The following FTO variants were observed in gnomAD, a reference collection of about 807,000 sequenced individuals.
The protein encoded by FTO is alpha-ketoglutarate-dependent dioxygenase FTO.
Under a neutral mutation model 63.9 loss-of-function variants are expected in FTO, and 47 were observed. That is an observed-to-expected ratio of 0.74 (90% CI 0.58 to 0.94). FTO has a LOEUF of 0.94. FTO is among the 40% of genes least tolerant of loss of function. FTO has a pLI of 0.00. For missense variants in FTO, 562 were observed against 618.1 expected (o/e 0.91, Z 0.96); for synonymous variants, 207 against 224.4 (o/e 0.92, Z 0.69).
intron 1 of FTO, among the ~76,000 whole-genome samples, chr16:53,792,955 AC>A (rs2077965647): frequency 6.6e-6 from 1 of 152,226 alleles, no homozygotes; most frequent in Non-Finnish European, 1.5e-5. Flanking sequence ...CTATTCACTT[AC>A]AAAATTATGG....
intron 8 of FTO, among the ~76,000 whole-genome samples, chr16:53,960,126 T>C (rs962362224): frequency 2.0e-4 from 30 of 152,262 alleles, no homozygotes; most frequent in Middle Eastern, 3.4e-3. Context: ...ATGACAGTCA[T>C]ACTTTGTTAA....
At chr16:53,759,086 G>A (rs9932576) in intron 1 of FTO, among the ~76,000 whole-genome samples, 2,503 of 152,164 alleles carry the variant, frequency 0.016, 77 homozygotes, top group African/African-American at 0.057. Flanking sequence ...CGTAATGGGC[G>A]CATAGGGGTT....
intron 7 of FTO, among the ~76,000 whole-genome samples, chr16:53,912,739 C>T (rs953180960): frequency 1.3e-5 from 2 of 152,164 alleles, no homozygotes; most frequent in African/African-American, 4.8e-5. Flanking sequence ...AACATCCAGG[C>T]ACATTTGTTC....
At chr16:53,902,525 C>T (rs1331578405) in intron 7 of FTO, among the ~76,000 whole-genome samples, 1 of 152,132 alleles carries the variant, frequency 6.6e-6, no homozygotes. Flanking sequence ...CTGAGTGTTT[C>T]TCTGGAACTT....
At chr16:53,989,434 T>C (rs1490310539) in intron 8 of FTO, among the ~76,000 whole-genome samples, 1 of 152,162 alleles carries the variant, frequency 6.6e-6, no homozygotes, top group Non-Finnish European at 1.5e-5. Flanking sequence ...TGGAGGCAGG[T>C]ACTGGGGTCT....
chr16:53,731,057 AG>A (rs1211787486), intron 1 of FTO, among the ~76,000 whole-genome samples: 2 of 152,188 alleles, frequency 1.3e-5, no homozygotes, highest in Non-Finnish European at 2.9e-5. Flanking sequence ...CTTATGGAAA[AG>A]GTGTCCAGAT....
At chr16:53,859,901 A>G (rs1319199021) in intron 4 of FTO, among the ~76,000 whole-genome samples, 1 of 152,242 alleles carries the variant, frequency 6.6e-6, no homozygotes, top group Non-Finnish European at 1.5e-5. Context: ...AGTTAAAAAT[A>G]GAACTTTCAT....
At chr16:54,077,417 G>A (rs192930807) in intron 8 of FTO, among the ~76,000 whole-genome samples, 164 of 152,244 alleles carry the variant, frequency 1.1e-3, no homozygotes, top group African/African-American at 3.8e-3. Flanking sequence ...GTATTGGTGA[G>A]GCTTGGCTGT....
intron 6 of FTO, among the ~76,000 whole-genome samples, chr16:53,886,519 A>G (rs978085083): frequency 2.6e-5 from 4 of 152,204 alleles, no homozygotes; most frequent in African/African-American, 9.6e-5. Flanking sequence ...ACTTGTATTA[A>G]TTCTTCTTTC....
intron 1 of FTO, among the ~76,000 whole-genome samples, chr16:53,788,324 CA>C (rs1243617223): frequency 6.6e-6 from 1 of 151,904 alleles, no homozygotes; most frequent in African/African-American, 2.4e-5. Context: ...CTTATTTGGC[CA>C]GATGGGGTGG....
At chr16:53,863,497 G>A (rs1285898249) in intron 4 of FTO, among the ~76,000 whole-genome samples, 1 of 152,170 alleles carries the variant, frequency 6.6e-6, no homozygotes, top group Non-Finnish European at 1.5e-5. Flanking sequence ...GTCTTTATGT[G>A]GATGCTTGCA....
chr16:54,007,141 G>C (rs2084226243), intron 8 of FTO, among the ~76,000 whole-genome samples: 1 of 152,170 alleles, frequency 6.6e-6, no homozygotes, highest in East Asian at 1.9e-4. Context: ...GGGATACGAG[G>C]TGTACATACG....
intron 8 of FTO, among the ~76,000 whole-genome samples, chr16:53,938,990 CG>C (rs1204972759): frequency 6.6e-6 from 1 of 151,576 alleles, no homozygotes; most frequent in Non-Finnish European, 1.5e-5. Context: ...CCCAGCTACT[CG>C]GAAGGCTGAG....
chr16:54,100,152 G>T (rs1182388009), intron 8 of FTO, among the ~76,000 whole-genome samples: 3 of 152,158 alleles, frequency 2.0e-5, no homozygotes, highest in Non-Finnish European at 4.4e-5. Context: ...AATGATTCTC[G>T]TGATGTCTGT....
At chr16:53,879,803 G>A (rs763650098) in intron 5 of FTO, 41 bp from the exon 6 acceptor site, 2 of 1,608,286 alleles carry the variant, frequency 1.2e-6, no homozygotes, top group South Asian at 2.2e-5. Flanking sequence ...AGTAAACTTA[G>A]ATTTTGCCCA....
At chr16:54,110,142 C>T (rs1185874793) in intron 8 of FTO, among the ~76,000 whole-genome samples, 2 of 152,156 alleles carry the variant, frequency 1.3e-5, no homozygotes, top group African/African-American at 4.8e-5. Context: ...CTCAGAACAA[C>T]GACAGCAAGC....
At chr16:53,797,136 A>T (rs1049797725) in intron 1 of FTO, among the ~76,000 whole-genome samples, 4 of 152,232 alleles carry the variant, frequency 2.6e-5, no homozygotes, top group Non-Finnish European at 4.4e-5. Flanking sequence ...AAATTGTGAG[A>T]CAGGCACAGA....
At chr16:54,092,123 T>TA (rs1167666656) in intron 8 of FTO, among the ~76,000 whole-genome samples, 17 of 151,980 alleles carry the variant, frequency 1.1e-4, no homozygotes, top group African/African-American at 3.9e-4. Context: ...CAAAAAGTAA[T>TA]AAAAAAACAA....
intron 4 of FTO, among the ~76,000 whole-genome samples, chr16:53,864,917 G>T (rs1181402367): frequency 6.6e-6 from 1 of 152,110 alleles, no homozygotes; most frequent in East Asian, 1.9e-4. Context: ...AATTTCAAAA[G>T]AATTGTTTGA....
Sources: allele counts gnomAD v4.1 joint callset (sites outside exome capture counted in the v4.1 genomes callset), GRCh38; gene constraint gnomAD v4.1.1; transcripts MANE v1.5; gene names NCBI Gene and HGNC (gene_info 2026-07-23, HGNC 2026-07-21).